The following ROBO2 variants were observed in gnomAD, a reference collection of about 807,000 sequenced individuals.
The protein encoded by ROBO2 is roundabout homolog 2.
A neutral mutation model predicts 160.8 loss-of-function variants in ROBO2; 53 were observed. The ratio of observed to expected loss-of-function variants is 0.33; its 90% CI spans 0.26 to 0.41. The LOEUF is 0.41. ROBO2 is among the 10% of genes least tolerant of loss of function. ROBO2 has a pLI of 1.00. For missense variants in ROBO2, 1,577 were observed against 1,722.4 expected (o/e 0.92, Z 1.49); for synonymous variants, 664 against 611.7 (o/e 1.09, Z -1.26).
chr3:77,253,598 A>G (rs936012580), intron 2 of ROBO2, among the ~76,000 whole-genome samples: 10 of 152,302 alleles, frequency 6.6e-5, no homozygotes, highest in Admixed American at 5.2e-4. Context: ...GGCAATGGAA[A>G]TCATATGATT....
At chr3:76,614,603 C>T (rs1560237585) in intron 2 of ROBO2, among the ~76,000 whole-genome samples, 2 of 152,024 alleles carry the variant, frequency 1.3e-5, no homozygotes, top group African/African-American at 4.8e-5. Flanking sequence ...TTAGCTACAA[C>T]ACAGCATTTC....
intron 2 of ROBO2, among the ~76,000 whole-genome samples, chr3:77,142,061 C>A (rs2076748745): frequency 6.6e-6 from 1 of 152,120 alleles, no homozygotes; most frequent in Non-Finnish European, 1.5e-5. Context: ...AGAGAGTCAT[C>A]CAAACTCATA....
intron 2 of ROBO2, among the ~76,000 whole-genome samples, chr3:77,428,425 G>A (rs993721568): frequency 7.3e-6 from 1 of 137,502 alleles, no homozygotes; most frequent in Non-Finnish European, 1.5e-5. Flanking sequence ...GCGCAATCTC[G>A]GCTCACTTGC....
chr3:77,332,896 G>A (rs908026378), intron 2 of ROBO2, among the ~76,000 whole-genome samples: 27 of 152,264 alleles, frequency 1.8e-4, no homozygotes, highest in African/African-American at 6.0e-4. Context: ...AACAGAGAGC[G>A]CTAGAGCGAC....
intron 2 of ROBO2, among the ~76,000 whole-genome samples, chr3:76,825,589 T>C (rs2066503605): frequency 7.6e-6 from 1 of 131,530 alleles, no homozygotes; most frequent in Admixed American, 8.0e-5. Context: ...AGTCTACCCT[T>C]TCATCATCTT....
intron 2 of ROBO2, among the ~76,000 whole-genome samples, chr3:76,785,821 T>C (rs2062937762): frequency 6.6e-6 from 1 of 151,312 alleles, no homozygotes; most frequent in African/African-American, 2.4e-5. Context: ...TACAGATGTA[T>C]CACACTTTAT....
chr3:76,762,174 G>T (rs143082586), intron 2 of ROBO2, among the ~76,000 whole-genome samples: 49 of 151,650 alleles, frequency 3.2e-4, no homozygotes, highest in African/African-American at 1.2e-3. Context: ...TAGAACTAAA[G>T]ATGGAACAGA....
intron 2 of ROBO2, among the ~76,000 whole-genome samples, chr3:77,230,772 G>C (rs1461073361): frequency 6.6e-6 from 1 of 152,118 alleles, no homozygotes; most frequent in Non-Finnish European, 1.5e-5. Flanking sequence ...GAAAGACATT[G>C]AACACTTGAT....
At chr3:76,239,827 A>G (rs1172581915) in intron 2 of ROBO2, among the ~76,000 whole-genome samples, 2 of 152,172 alleles carry the variant, frequency 1.3e-5, no homozygotes, top group Non-Finnish European at 2.9e-5. Context: ...TCCTGTGCAA[A>G]GTGCCAGCTG....
intron 7 of ROBO2, among the ~76,000 whole-genome samples, chr3:77,549,240 C>A (rs1458883793): frequency 6.6e-6 from 1 of 151,960 alleles, no homozygotes; most frequent in African/African-American, 2.4e-5. Context: ...GTAGAGGAAG[C>A]CATCCCGTAG....
chr3:76,680,722 A>C (rs981336209), intron 2 of ROBO2, among the ~76,000 whole-genome samples: 1 of 152,122 alleles, frequency 6.6e-6, no homozygotes, highest in African/African-American at 2.4e-5. Flanking sequence ...AATTTAAAAA[A>C]ATTATGATGA....
Position 76,911,965 on chromosome 3 carries a change from C to T in ROBO2, c.110-186049C>T, listed in dbSNP as rs542011701. Among the ~76,000 whole-genome samples, 223 of 150,972 alleles carry T rather than the reference C, an allele frequency of 1.5e-3. 1 individual carries two copies. Among genetic ancestry groups the T allele is most frequent in the African/African-American group, 5.4e-3 (220 of 40,942 alleles). ...GAAGGGCAACAGAGCTGGACCCTGT[C>T]TCAAAAAAAAAATATTTTAATTAAT... On this transcript the variant is annotated intron_variant, in intron 2 of 26. Transcript: ENST00000487694.
At chr3:76,637,207 C>T (rs2090390929) in intron 2 of ROBO2, among the ~76,000 whole-genome samples, 2 of 152,072 alleles carry the variant, frequency 1.3e-5, no homozygotes, top group African/African-American at 4.8e-5. Context: ...CCCTGTGTGT[C>T]TGCAACCTAA....
At chr3:76,063,774 C>T (rs544537257) in intron 2 of ROBO2, among the ~76,000 whole-genome samples, 36 of 152,280 alleles carry the variant, frequency 2.4e-4, no homozygotes, top group Non-Finnish European at 4.0e-4. Context: ...TCTGTTTTGT[C>T]TCCTGAGTAC....
At chr3:77,420,624 G>T (rs74443240) in intron 2 of ROBO2, among the ~76,000 whole-genome samples, 3,773 of 152,164 alleles carry the variant, frequency 0.025, 163 homozygotes, top group African/African-American at 0.084. Flanking sequence ...CAAATGTGTT[G>T]TCTGTCACTC....
intron 2 of ROBO2, among the ~76,000 whole-genome samples, chr3:76,457,446 C>T (rs2077825736): frequency 6.6e-6 from 1 of 152,222 alleles, no homozygotes; most frequent in South Asian, 2.1e-4. Flanking sequence ...AGGTCTTAGG[C>T]AGCTCCGCCC....
At chr3:76,537,386 T>C (rs930154514) in intron 2 of ROBO2, among the ~76,000 whole-genome samples, 9 of 152,120 alleles carry the variant, frequency 5.9e-5, no homozygotes, top group African/African-American at 2.2e-4. Flanking sequence ...CCGAAGGTAT[T>C]GCAGAAAAAT....
chr3:76,980,260 G>C (rs12633395), intron 2 of ROBO2, among the ~76,000 whole-genome samples: 42,277 of 152,076 alleles, frequency 0.28, 6,099 homozygotes, highest in South Asian at 0.41. Context: ...AACCACAATG[G>C]GCCTAAGTAA....
intron 2 of ROBO2, among the ~76,000 whole-genome samples, chr3:77,400,829 G>A (rs558664669): frequency 3.3e-5 from 5 of 152,268 alleles, no homozygotes; most frequent in Admixed American, 6.5e-5. Flanking sequence ...GGTTAAGTGA[G>A]TTGTTAAAAT....
Sources: gnomAD v4.1 joint callset for allele counts (sites outside exome capture counted in the v4.1 genomes callset) on GRCh38, gnomAD v4.1.1 for gene constraint, MANE v1.5 for transcripts, NCBI Gene and HGNC (gene_info 2026-07-23, HGNC 2026-07-21) for gene names.